Variants in ZNF365 observed in about 807,000 individuals in gnomAD.
ZNF365 encodes zinc finger protein 365.
In ZNF365, 22 loss-of-function variants were observed where a neutral mutation model predicts 35.0. That is an observed-to-expected ratio of 0.63 (90% CI 0.45 to 0.90). The LOEUF (loss-of-function observed/expected upper bound fraction) is 0.90. Ranked by LOEUF, ZNF365 falls within the 40% of genes least tolerant of loss-of-function variation. The probability of loss-of-function intolerance (pLI) is 0.00; values close to 1 mark genes in which losing one functional copy is unlikely to be tolerated. For missense variants in ZNF365, 448 were observed against 500.3 expected (o/e 0.90, Z 1.00); for synonymous variants, 188 against 196.2 (o/e 0.96, Z 0.35).
intron 3 of ZNF365, among the ~76,000 whole-genome samples, chr10:62,421,772 T>C (rs1457602101): frequency 6.6e-6 from 1 of 152,232 alleles, no homozygotes; most frequent in Non-Finnish European, 1.5e-5. Context: ...AGCTATTGAT[T>C]TCTTTCAGGT....
downstream of ZNF365, among the ~76,000 whole-genome samples, chr10:62,405,221 A>C (rs1839887850): frequency 2.0e-5 from 3 of 152,294 alleles, no homozygotes; most frequent in South Asian, 6.2e-4. Context: ...ATAAATTGGC[A>C]ATGTTGGACT....
downstream of ZNF365, among the ~76,000 whole-genome samples, chr10:62,403,499 A>G (rs1449197003): frequency 2.0e-5 from 3 of 152,200 alleles, no homozygotes; most frequent in Non-Finnish European, 4.4e-5. Context: ...TCTACTAAAA[A>G]TACAAAAAAT....
rs536685187 is a variant in ZNF365 at position 62,471,721 on chromosome 10, A to AT, written c.982-8148dup. On this transcript the variant is annotated intron_variant, in intron 4 of 4. Coordinates refer to the ZNF365 transcript ENST00000395255. ...GCATGATTATTCTCTAATTTCCTGC[A>AT]TTTTTTTAACATTCCAGCCTACAAG... is the stretch of plus-strand genomic sequence containing the variant. Among the ~76,000 whole-genome samples, 222 of 152,248 alleles carry AT rather than the reference A, an allele frequency of 1.5e-3. 1 individual carries two copies. The highest frequency in any genetic ancestry group is 4.9e-3 in the African/African-American group (204 of 41,540).
At chr10:62,440,172 TTTTATTTATTTA>T (rs148188582) in intron 3 of ZNF365, among the ~76,000 whole-genome samples, 2 of 150,628 alleles carry the variant, frequency 1.3e-5, no homozygotes, top group Non-Finnish European at 3.0e-5. Context: ...GAATGCATAG[TTTTATTTATTTA>T]TTTATTTATT....
chr10:62,455,740 A>T (rs893856048), intron 3 of ZNF365, among the ~76,000 whole-genome samples: 7 of 152,150 alleles, frequency 4.6e-5, no homozygotes, highest in African/African-American at 1.7e-4. Flanking sequence ...GAACTTACAT[A>T]TATTTGGTTA....
intron 3 of ZNF365, among the ~76,000 whole-genome samples, chr10:62,390,169 T>C (rs1213983660): frequency 6.6e-6 from 1 of 152,194 alleles, no homozygotes; most frequent in African/African-American, 2.4e-5. Flanking sequence ...AGATAGTTAG[T>C]CTTCCTGGGC....
chr10:62,400,431 G>A lies in ZNF365; in HGVS notation c.*642G>A, dbSNP rs1839807735. On this transcript the variant is annotated 3_prime_UTR_variant, in exon 5 of 5. Coordinates refer to ENST00000395254, the MANE Select transcript of ZNF365 (RefSeq NM_014951.3). ...TTTGTTTGATTGAGGTTTTTTGGTG[G>A]CCTAGATGCATGTTTATTCAGATTT... The A allele has an allele frequency of 1.0e-6, 1 of 985,966 alleles. No homozygotes were observed. Among genetic ancestry groups the A allele is most frequent in the African/African-American group, 1.7e-5 (1 of 57,204 alleles). The allele number at this position is 985,966 out of a possible 1,614,324, so 61.1% of individuals were successfully genotyped here.
chr10:62,406,949 A>G (rs1273463486), downstream of ZNF365, among the ~76,000 whole-genome samples: 1 of 152,178 alleles, frequency 6.6e-6, no homozygotes, highest in African/African-American at 2.4e-5. Context: ...AGACAGCATC[A>G]TTCCTGGAAC....
chr10:62,414,675 C>T (rs938901011), intron 3 of ZNF365, among the ~76,000 whole-genome samples: 5 of 152,132 alleles, frequency 3.3e-5, no homozygotes, highest in African/African-American at 4.8e-5. Flanking sequence ...CCTTGTCTTG[C>T]CTTTGGCTTT....
At chr10:62,405,190 A>C (rs1222083722), downstream of ZNF365, among the ~76,000 whole-genome samples, 2 of 152,182 alleles carry the variant, frequency 1.3e-5, no homozygotes, top group African/African-American at 4.8e-5. Context: ...AATCAACAGC[A>C]GTTCTTTCCA....
chr10:62,398,718 T>A, intron 3 of ZNF365, 22 bp from the exon 4 acceptor site: 1 of 1,608,574 alleles, frequency 6.2e-7, no homozygotes, highest in Non-Finnish European at 8.5e-7. Context: ...GTTAACATTT[T>A]TTCTTATTTG....
At chr10:62,388,668 AG>A (rs1482049411) in intron 3 of ZNF365, 92 bp downstream of exon 3, 1 of 1,450,998 alleles carries the variant, frequency 6.9e-7, no homozygotes, top group East Asian at 2.4e-5. Context: ...GGTGACTTGC[AG>A]GGACTCTCTA....
intron 3 of ZNF365, among the ~76,000 whole-genome samples, chr10:62,438,115 G>A (rs1840435628): frequency 6.6e-6 from 1 of 152,080 alleles, no homozygotes; most frequent in Admixed American, 6.5e-5. Context: ...CACAGATCCT[G>A]TGACAAGGAC....
chr10:62,479,198 G>A (rs1490261348), intron 4 of ZNF365, among the ~76,000 whole-genome samples: 1 of 152,204 alleles, frequency 6.6e-6, no homozygotes, highest in African/African-American at 2.4e-5. Context: ...TCCTTGCCAT[G>A]AGGCTGAATT....
intron 2 of ZNF365, among the ~76,000 whole-genome samples, chr10:62,379,233 A>G (rs1435604055): frequency 6.6e-6 from 1 of 152,106 alleles, no homozygotes; most frequent in Non-Finnish European, 1.5e-5. Flanking sequence ...CATGTTGGCC[A>G]GGCTGGTCTC....
chr10:62,407,363 T>C (rs1839920608), downstream of ZNF365, among the ~76,000 whole-genome samples: 1 of 152,166 alleles, frequency 6.6e-6, no homozygotes. Flanking sequence ...ACATTAAGCT[T>C]TTCCTTTGAG....
chr10:62,460,602 T>G (rs1161213501), intron 4 of ZNF365, among the ~76,000 whole-genome samples: 1 of 152,146 alleles, frequency 6.6e-6, no homozygotes, highest in Non-Finnish European at 1.5e-5. Context: ...AAACCTCAGA[T>G]AAGTGGGGAC....
At chr10:62,384,755 G>A (rs557320243) in intron 2 of ZNF365, among the ~76,000 whole-genome samples, 1 of 152,360 alleles carries the variant, frequency 6.6e-6, no homozygotes, top group African/African-American at 2.4e-5. Context: ...TCATTGCAAT[G>A]TGGGATCTGA....
intron 3 of ZNF365, among the ~76,000 whole-genome samples, chr10:62,451,755 T>C (rs968859762): frequency 2.6e-5 from 4 of 152,160 alleles, no homozygotes; most frequent in African/African-American, 7.2e-5. Flanking sequence ...GGGCTTCCCC[T>C]GTGTCTGGTG....
Sources: allele counts gnomAD v4.1 joint callset (sites outside exome capture counted in the v4.1 genomes callset), GRCh38; gene constraint gnomAD v4.1.1; transcripts MANE v1.5; gene names NCBI Gene and HGNC (gene_info 2026-07-23, HGNC 2026-07-21).